GRID1: variants seen among roughly 807,000 people sequenced by gnomAD.
GRID1 encodes the protein glutamate receptor ionotropic, delta-1.
GRID1 carries 28 observed loss-of-function variants against 98.0 expected under a neutral mutation model. The observed-to-expected ratio is 0.29, with a 90% CI of 0.21 to 0.39. GRID1 has a LOEUF of 0.39. GRID1 is among the 10% of genes least tolerant of loss of function. The pLI, the probability that GRID1 is intolerant of heterozygous loss-of-function variation, is 1.00. For synonymous variants in GRID1, 553 were observed against 538.5 expected (o/e 1.03, Z -0.37); for missense variants, 1,111 against 1,340.5 (o/e 0.83, Z 2.67).
chr10:85,736,269 A>G lies in GRID1; in HGVS notation c.1234-6655T>C, dbSNP rs144460983. Among the ~76,000 whole-genome samples, 895 of 147,824 alleles carry G rather than the reference A, an allele frequency of 6.1e-3. 24 individuals carry two copies. The highest frequency in any genetic ancestry group is 0.021 in the East Asian group (102 of 4,834). ...GAAGGAGAGAAGGAAGGAAGGAGAG[A>G]AGGAGGGAGGAGGGGAGAGAGGGAG... is the stretch of plus-strand genomic sequence containing the variant. On this transcript the variant is annotated intron_variant, in intron 8 of 15. Coordinates refer to ENST00000327946, the MANE Select transcript of GRID1 (RefSeq NM_017551.3).
intron 12 of GRID1, among the ~76,000 whole-genome samples, chr10:85,720,426 T>A (rs903254356): frequency 1.3e-5 from 2 of 152,092 alleles, no homozygotes; most frequent in Admixed American, 1.3e-4. Flanking sequence ...TAGTAAGGCT[T>A]ACGCTATAGC....
At chr10:85,995,110 T>C (rs1318626214) in intron 4 of GRID1, among the ~76,000 whole-genome samples, 2 of 152,238 alleles carry the variant, frequency 1.3e-5, no homozygotes, top group East Asian at 1.9e-4. Flanking sequence ...AGTGGAACCC[T>C]GCACCTATAG....
intron 8 of GRID1, among the ~76,000 whole-genome samples, chr10:85,781,300 A>T (rs1437560962): frequency 6.6e-6 from 1 of 152,246 alleles, no homozygotes; most frequent in Non-Finnish European, 1.5e-5. Context: ...TCTGAGTCAT[A>T]ATATCATTTG....
chr10:85,641,776 G>C (rs576777577), intron 13 of GRID1, among the ~76,000 whole-genome samples: 12 of 152,354 alleles, frequency 7.9e-5, no homozygotes, highest in Admixed American at 2.6e-4. Context: ...GGCCAGACCA[G>C]CAGTAAAGCT....
intron 12 of GRID1, among the ~76,000 whole-genome samples, chr10:85,675,922 T>C (rs1444259001): frequency 6.6e-6 from 1 of 152,110 alleles, no homozygotes; most frequent in Non-Finnish European, 1.5e-5. Context: ...CATGTGAAGA[T>C]GTAATTGGAA....
intron 4 of GRID1, among the ~76,000 whole-genome samples, chr10:85,943,665 G>A (rs1022155520): frequency 6.6e-6 from 1 of 152,178 alleles, no homozygotes; most frequent in Non-Finnish European, 1.5e-5. Flanking sequence ...TCAAACTCAT[G>A]CTGTTCAAGG....
intron 4 of GRID1, among the ~76,000 whole-genome samples, chr10:86,003,515 G>A (rs925459930): frequency 2.0e-5 from 3 of 152,256 alleles, no homozygotes; most frequent in Admixed American, 2.0e-4. Flanking sequence ...AGCTCAGGCA[G>A]CTTCTGAGAG....
intron 8 of GRID1, among the ~76,000 whole-genome samples, chr10:85,752,374 C>T (rs948851713): frequency 1.3e-5 from 2 of 152,076 alleles, no homozygotes; most frequent in African/African-American, 4.8e-5. Context: ...CTGTACATGA[C>T]CCCTGTGAAA....
chr10:86,270,447 T>G (rs1469597716), intron 2 of GRID1, among the ~76,000 whole-genome samples: 2 of 152,234 alleles, frequency 1.3e-5, no homozygotes, highest in African/African-American at 4.8e-5. Context: ...CCCAGCATTT[T>G]GGGAGACCAA....
At chr10:86,057,605 C>T (rs2131910589) in intron 4 of GRID1, among the ~76,000 whole-genome samples, 1 of 152,266 alleles carries the variant, frequency 6.6e-6, no homozygotes, top group African/African-American at 2.4e-5. Flanking sequence ...TTCAGTTCCT[C>T]GACTAACATC....
At chr10:85,740,121 G>A (rs767214183) in intron 8 of GRID1, among the ~76,000 whole-genome samples, 1 of 152,048 alleles carries the variant, frequency 6.6e-6, no homozygotes. Flanking sequence ...AGGTGTATTG[G>A]TTTTTTTCTC....
At chr10:86,096,104 A>T (rs1844217865) in intron 4 of GRID1, among the ~76,000 whole-genome samples, 1 of 152,172 alleles carries the variant, frequency 6.6e-6, no homozygotes, top group African/African-American at 2.4e-5. Context: ...GAAATGGAAA[A>T]CCAAATGTCA....
At chr10:85,709,044 TG>T in intron 12 of GRID1, 1 of 322,944 alleles carries the variant, frequency 3.1e-6, no homozygotes, top group Non-Finnish European at 6.3e-6. Flanking sequence ...TTGAACTACT[TG>T]GGTGCTATGA....
chr10:85,711,010 T>C (rs1841576176), intron 12 of GRID1, among the ~76,000 whole-genome samples: 1 of 152,056 alleles, frequency 6.6e-6, no homozygotes, highest in African/African-American at 2.4e-5. Context: ...ATTGGATTTC[T>C]TGTGCATTGC....
chr10:85,718,094 C>T (rs1841660323), intron 12 of GRID1, among the ~76,000 whole-genome samples: 2 of 152,194 alleles, frequency 1.3e-5, no homozygotes, highest in Admixed American at 6.5e-5. Context: ...CTTTTCCAGG[C>T]ACACGGTGCA....
intron 4 of GRID1, among the ~76,000 whole-genome samples, chr10:85,938,651 TA>T (rs1436619647): frequency 3.3e-5 from 5 of 152,150 alleles, no homozygotes; most frequent in African/African-American, 1.2e-4. Context: ...GCTGAAAATA[TA>T]CAAAAGGCTC....
chr10:86,190,044 T>C, intron 3 of GRID1, among the ~76,000 whole-genome samples: 1 of 152,086 alleles, frequency 6.6e-6, no homozygotes, highest in South Asian at 2.1e-4. Context: ...CAAAACCCAG[T>C]GCAAGTCCAC....
intron 12 of GRID1, among the ~76,000 whole-genome samples, chr10:85,690,985 A>G (rs942550896): frequency 3.3e-5 from 5 of 152,210 alleles, no homozygotes; most frequent in African/African-American, 1.2e-4. Flanking sequence ...TCATTTATTG[A>G]GGACCAAGTG....
At chr10:85,638,800 T>C (rs1361958438) in intron 13 of GRID1, among the ~76,000 whole-genome samples, 1 of 152,112 alleles carries the variant, frequency 6.6e-6, no homozygotes, top group Admixed American at 6.5e-5. Flanking sequence ...TGAAAGAAGA[T>C]ACATGGATGG....
Sources: gnomAD v4.1 joint callset for allele counts (sites outside exome capture counted in the v4.1 genomes callset) on GRCh38, gnomAD v4.1.1 for gene constraint, MANE v1.5 for transcripts, NCBI Gene and HGNC (gene_info 2026-07-23, HGNC 2026-07-21) for gene names.